Variants in SEMA5B observed in about 807,000 individuals in gnomAD.
The protein encoded by SEMA5B is semaphorin 5B.
Under a neutral mutation model 135.0 loss-of-function variants are expected in SEMA5B, and 66 were observed. The ratio of observed to expected loss-of-function variants is 0.49; its 90% confidence interval spans 0.40 to 0.60. The LOEUF (loss-of-function observed/expected upper bound fraction) is 0.60, where lower values mean the gene tolerates loss of function less well. Ranked by LOEUF, SEMA5B falls within the 20% of genes least tolerant of loss-of-function variation. The pLI is 0.00. For synonymous variants in SEMA5B, 690 were observed against 639.5 expected, an observed-to-expected ratio of 1.08 and a Z score of -1.19; for missense variants, 1,501 against 1,566.3, an observed-to-expected ratio of 0.96 and a Z score of 0.70.
At chr3:122,991,303 G>A (rs114123179) in intron 1 of SEMA5B, among the ~76,000 whole-genome samples, 2,648 of 152,280 alleles carry the variant, frequency 0.017, 66 homozygotes, top group African/African-American at 0.06. Flanking sequence ...CACTTGGCTA[G>A]GATGAGACCG....
chr3:122,956,888 G>A (rs1421460507), intron 2 of SEMA5B, among the ~76,000 whole-genome samples: 1 of 152,166 alleles, frequency 6.6e-6, no homozygotes, highest in African/African-American at 2.4e-5. Context: ...CAGTCAGGCG[G>A]GTGTCTAAGA....
Position 122,926,380 on chromosome 3 carries a change from G to A in SEMA5B, c.1136+12C>T. The stretch of plus-strand genomic sequence containing the variant: ...CATCACAGGCAAGGGGCTGGCAGAG[G>A]GCAGGACTCACACGTTGGTTGTGAA... On this transcript the variant is annotated intron_variant, in intron 9 of 22. Coordinates refer to ENST00000357599, the MANE Select transcript of SEMA5B (RefSeq NM_001031702.4). 8 of 1,604,240 alleles carry A rather than the reference G, an allele frequency of 5.0e-6. No individual in the cohort carries two copies. The highest frequency in any genetic ancestry group is 6.8e-6 in the Non-Finnish European group (8 of 1,173,414).
intron 5 of SEMA5B, among the ~76,000 whole-genome samples, chr3:122,934,752 A>T (rs913436255): frequency 3.3e-5 from 5 of 152,082 alleles, no homozygotes; most frequent in African/African-American, 1.2e-4. Flanking sequence ...ATGGTGGCTT[A>T]TACCTGTAAT....
At chr3:122,919,044 CA>C in intron 12 of SEMA5B, among the ~76,000 whole-genome samples, 2 of 107,544 alleles carry the variant, frequency 1.9e-5, no homozygotes, top group Middle Eastern at 0.01. Context: ...GCAGCCATTA[CA>C]AAAAGGAACA....
chr3:122,952,177 TTTGATCCAAACCTACTCCC>T (rs1940083444), intron 2 of SEMA5B, among the ~76,000 whole-genome samples: 1 of 152,202 alleles, frequency 6.6e-6, no homozygotes, highest in Non-Finnish European at 1.5e-5. Flanking sequence ...GGGAGGGAGA[TTTGATCCAAACCTACTCCC>T]TTGAATGATT....
At chr3:122,967,991 C>T (rs1050528856) in intron 1 of SEMA5B, among the ~76,000 whole-genome samples, 3 of 152,274 alleles carry the variant, frequency 2.0e-5, no homozygotes, top group Non-Finnish European at 2.9e-5. Context: ...GGACTGCAGC[C>T]TTGACCAGAG....
intron 1 of SEMA5B, among the ~76,000 whole-genome samples, chr3:122,987,111 C>A (rs1941725339): frequency 6.6e-6 from 1 of 152,094 alleles, no homozygotes. Context: ...CTGCACTTAA[C>A]CCCATGGAGC....
rs1361915535 is a variant in SEMA5B, at chr3:122,912,336, C to T, written c.2732G>A (p.Gly911Asp). 1.3e-6 allele frequency: 2 copies of T among 1,595,830 alleles called. No homozygotes were observed. The highest frequency in any genetic ancestry group is 2.3e-5 in the South Asian group (2 of 87,618). ...CCATGAGGTCCAGCAGGACCAAGCA[C>T]CCCGAACTGCAAGGGGACGGGGTGT... ...DCNPQACPVR[G>D]AWSCWTSWSP... Residue 911 changes from glycine (G) to aspartate (D), a missense_variant, in exon 19 of 23, where the codon GGT (glycine) becomes GAT (aspartate). Physicochemically the swap from Gly to Asp is moderately conservative, Grantham distance 94. Around this residue, in one of 2 missense-constraint regions of SEMA5B, gnomAD observed 927 missense variants for 881.6 expected, o/e 1.05. Transcript: ENST00000357599.
chr3:122,989,428 C>T lies in SEMA5B; in HGVS notation c.-38-28127G>A, dbSNP rs148220651. Among the ~76,000 whole-genome samples, 1,379 of 152,264 alleles carry T rather than the reference C, an allele frequency of 9.1e-3. 11 individuals are homozygous for T. The highest frequency in any genetic ancestry group is 0.014 in the Non-Finnish European group (943 of 68,024). On this transcript the variant is annotated intron_variant, in intron 1 of 22. Transcript: ENST00000357599. Reference sequence around the variant, plus strand: ...TGGCTCTGAACCTTCCCCTCATAGTCGACCCTAGACTGGCCCACCAGGGCT... The same window carrying T: ...TGGCTCTGAACCTTCCCCTCATAGTTGACCCTAGACTGGCCCACCAGGGCT...
chr3:122,977,178 C>T (rs1941358094), intron 1 of SEMA5B, among the ~76,000 whole-genome samples: 1 of 152,194 alleles, frequency 6.6e-6, no homozygotes, highest in African/African-American at 2.4e-5. Context: ...AGGATGCCTA[C>T]TATGCCTTCC....
chr3:122,989,580 T>C (rs1352356965), intron 1 of SEMA5B, among the ~76,000 whole-genome samples: 1 of 152,198 alleles, frequency 6.6e-6, no homozygotes, highest in African/African-American at 2.4e-5. Context: ...GTAATCCTCA[T>C]GTCACTTCTG....
chr3:122,931,009 G>A (rs1194182352), intron 5 of SEMA5B, among the ~76,000 whole-genome samples: 3 of 146,660 alleles, frequency 2.0e-5, no homozygotes, highest in South Asian at 2.1e-4. Flanking sequence ...AGAGAGAACA[G>A]CACAGAATGG....
chr3:122,912,584 G>A (rs1937794015), intron 18 of SEMA5B, among the ~76,000 whole-genome samples: 1 of 151,398 alleles, frequency 6.6e-6, no homozygotes, highest in South Asian at 2.1e-4. Context: ...CTCCAATCAA[G>A]CTTCTTACCT....
At chr3:123,014,171 C>G (rs1031559720) in intron 1 of SEMA5B, among the ~76,000 whole-genome samples, 1 of 152,184 alleles carries the variant, frequency 6.6e-6, no homozygotes, top group Admixed American at 6.5e-5. Context: ...GCTGGGAGGC[C>G]TCCAGTGGGC....
At position 122,948,566 on chromosome 3, in the gene SEMA5B, C is replaced by T; in HGVS notation, c.268G>A (p.Glu90Lys). The change falls in exon 3 of 23, where the codon GAG (glutamate) becomes AAG (lysine). Residue 90 changes from glutamate to lysine, a missense_variant. Coordinates refer to ENST00000357599, the MANE Select transcript of SEMA5B (RefSeq NM_001031702.4). Reference sequence around the variant, plus strand: ...CACAGCTGCTGCTCACTGCTGGGCTCACTGGAGACATCCTGGGAGCTGGAG... The same window carrying T: ...CACAGCTGCTGCTCACTGCTGGGCTTACTGGAGACATCCTGGGAGCTGGAG... ...HLSSSQDVSS[E>K]PSSEQQLCAL... 6.2e-7 allele frequency: 1 copy of T among 1,613,690 alleles called. No homozygotes were observed. Among genetic ancestry groups the T allele is most frequent in the Non-Finnish European group, 8.5e-7 (1 of 1,179,740 alleles).
At chr3:122,940,589 A>G (rs1252037789) in intron 4 of SEMA5B, among the ~76,000 whole-genome samples, 1 of 152,208 alleles carries the variant, frequency 6.6e-6, no homozygotes, top group Non-Finnish European at 1.5e-5. Flanking sequence ...TCAGCTGAGG[A>G]GGGAAATGAG....
intron 8 of SEMA5B, among the ~76,000 whole-genome samples, chr3:122,927,093 C>T (rs911449543): frequency 1.3e-5 from 2 of 152,210 alleles, no homozygotes; most frequent in African/African-American, 4.8e-5. Flanking sequence ...ATGGCAAAAA[C>T]TGCAATTACT....
chr3:122,948,730 C>G (rs79632798), intron 2 of SEMA5B, 21 bp from the exon 3 acceptor site: 1 of 1,568,244 alleles, frequency 6.4e-7, no homozygotes, highest in Non-Finnish European at 8.7e-7. Flanking sequence ...AACACTCAGT[C>G]TCACCAAGCG....
intron 1 of SEMA5B, among the ~76,000 whole-genome samples, chr3:122,993,470 C>A (rs894053938): frequency 3.3e-5 from 5 of 152,116 alleles, no homozygotes; most frequent in Non-Finnish European, 5.9e-5. Flanking sequence ...TTTGGCTGGA[C>A]CAGAGAGCAG....
Sources: gnomAD v4.1 joint callset for allele counts (sites outside exome capture counted in the v4.1 genomes callset) on GRCh38, gnomAD v4.1.1 for gene constraint, gnomAD v4.1.1 regional missense constraint, MANE v1.5 for transcripts, NCBI Gene and HGNC (gene_info 2026-07-23, HGNC 2026-07-21) for gene names.